The following AGBL1 variants were observed in gnomAD, a reference collection of about 807,000 sequenced individuals.
AGBL1 encodes cytosolic carboxypeptidase 4.
A neutral mutation model predicts 118.9 loss-of-function variants in AGBL1; 130 were observed. That is an observed-to-expected ratio of 1.09 (90% CI 0.95 to 1.26). AGBL1 has a LOEUF of 1.26. AGBL1 is among the 50% of genes most tolerant of loss of function. AGBL1 has a pLI of 0.00. For synonymous variants in AGBL1, 555 were observed against 478.9 expected, an observed-to-expected ratio of 1.16 and a Z score of -2.08; for missense variants, 1,584 against 1,298.1, an observed-to-expected ratio of 1.22 and a Z score of -3.38.
intron 22 of AGBL1, among the ~76,000 whole-genome samples, chr15:86,785,363 T>A (rs1010212075): frequency 2.2e-5 from 3 of 136,090 alleles, no homozygotes; most frequent in Non-Finnish European, 4.8e-5. Context: ...GCGGGTTCTT[T>A]TTTTTTTTTT....
At chr15:86,677,053 C>G (rs2085861860) in intron 22 of AGBL1, among the ~76,000 whole-genome samples, 1 of 152,160 alleles carries the variant, frequency 6.6e-6, no homozygotes, top group Admixed American at 6.5e-5. Flanking sequence ...GGATGTGGTA[C>G]TGCATCCTCT....
intron 21 of AGBL1, among the ~76,000 whole-genome samples, chr15:86,557,680 T>C (rs1051128209): frequency 1.6e-4 from 25 of 152,202 alleles, no homozygotes; most frequent in East Asian, 3.8e-4. Flanking sequence ...AGTGTCTTCA[T>C]TGTGTCTCGA....
intron 11 of AGBL1, among the ~76,000 whole-genome samples, chr15:86,265,518 C>A (rs2079057717): frequency 1.3e-5 from 2 of 152,112 alleles, no homozygotes; most frequent in Admixed American, 1.3e-4. Context: ...ATGCACATAC[C>A]AAGTCAATGG....
rs199905475 is a variant in AGBL1 at position 86,913,711 on chromosome 15, GA to G, written c.*6425del. 17 of 151,860 alleles carry G rather than the reference GA, an allele frequency of 1.1e-4. No individual in the cohort carries two copies. In the East Asian group the frequency reaches 1.2e-3, roughly 10 times the overall value. The allele number at this position is 151,860 out of a possible 1,614,324, so 9.4% of individuals were successfully genotyped here. A position where few individuals can be genotyped will look rare whatever the true frequency, so the allele number is the denominator to read the frequency against. ...AGACCCTGAATCTACAAAAAATAAA[GA>G]AAAAAAATAGCCAGGCGTGATGGTG... On this transcript the variant is annotated 3_prime_UTR_variant, in exon 23 of 23. Coordinates refer to ENST00000614907, the MANE Select transcript of AGBL1 (RefSeq NM_001386094.1).
chr15:86,256,228 T>A (rs955086113), intron 7 of AGBL1, among the ~76,000 whole-genome samples: 4 of 152,222 alleles, frequency 2.6e-5, no homozygotes, highest in Non-Finnish European at 4.4e-5. Flanking sequence ...TCCATCAGTA[T>A]CAAAATGTTA....
intron 23 of AGBL1, among the ~76,000 whole-genome samples, chr15:86,934,345 G>A (rs1279741618): frequency 6.6e-6 from 1 of 152,096 alleles, no homozygotes; most frequent in African/African-American, 2.4e-5. Context: ...AGGTCTAACA[G>A]CTCCCTATTG....
At chr15:86,600,745 A>C (rs2084479764) in intron 21 of AGBL1, among the ~76,000 whole-genome samples, 1 of 152,140 alleles carries the variant, frequency 6.6e-6, no homozygotes, top group South Asian at 2.1e-4. Flanking sequence ...CTCCAAAACA[A>C]TTCCCGAATC....
At chr15:86,638,749 A>G (rs1317773916) in intron 21 of AGBL1, among the ~76,000 whole-genome samples, 1 of 152,182 alleles carries the variant, frequency 6.6e-6, no homozygotes, top group African/African-American at 2.4e-5. Context: ...TTAGTCTGCA[A>G]TTGCTGAGTA....
intron 17 of AGBL1, among the ~76,000 whole-genome samples, chr15:86,377,967 C>G (rs8032371): frequency 0.032 from 4,800 of 152,168 alleles, 196 homozygotes; most frequent in African/African-American, 0.086. Flanking sequence ...AAACAAATAA[C>G]AATGGTAGGA....
chr15:86,526,544 G>GTGTGTATATATATA lies in AGBL1; in HGVS notation c.2685+3606_2685+3607insGTGTATATATATAT, dbSNP rs754816154. Among the ~76,000 whole-genome samples the GTGTGTATATATATA allele has an allele frequency of 7.1e-3, 847 of 119,362 alleles. 34 individuals are homozygous for GTGTGTATATATATA. In the East Asian group the frequency reaches 0.073, roughly 10 times the overall value. The allele number at this position is 119,362 out of a possible 152,430, so 78.3% of individuals were successfully genotyped here. A position where few individuals can be genotyped will look rare whatever the true frequency, so the allele number is the denominator to read the frequency against. The stretch of plus-strand genomic sequence containing the variant: ...TGCACACAGATATGTTTGTGTCTGT[G>GTGTGTATATATATA]TATATATATATATATATATATATAT... On this transcript the variant is annotated intron_variant, in intron 19 of 22. Transcript: ENST00000614907.
At chr15:86,367,977 G>A (rs1347804336) in intron 17 of AGBL1, among the ~76,000 whole-genome samples, 1 of 152,070 alleles carries the variant, frequency 6.6e-6, no homozygotes, top group East Asian at 1.9e-4. Flanking sequence ...ATGGGTTAGG[G>A]TTCTAGAGTC....
chr15:86,633,824 ATATATAATG>A (rs2085026295), intron 21 of AGBL1, among the ~76,000 whole-genome samples: 1 of 11,206 alleles, frequency 8.9e-5, no homozygotes, highest in African/African-American at 3.0e-4. Context: ...GTATGTATAT[ATATATAATG>A]TATATATATA....
At chr15:86,996,238 G>A (rs991131563) in intron 24 of AGBL1, among the ~76,000 whole-genome samples, 2 of 152,060 alleles carry the variant, frequency 1.3e-5, no homozygotes, top group Non-Finnish European at 2.9e-5. Context: ...TTTTTGAAGA[G>A]TATGCTTGTG....
At chr15:86,436,921 G>A (rs1343505085) in intron 18 of AGBL1, among the ~76,000 whole-genome samples, 2 of 151,866 alleles carry the variant, frequency 1.3e-5, no homozygotes, top group African/African-American at 4.8e-5. Context: ...TCAAGACTCT[G>A]TAACTCACCA....
At chr15:86,636,700 G>C (rs1287921466) in intron 21 of AGBL1, among the ~76,000 whole-genome samples, 1 of 48,572 alleles carries the variant, frequency 2.1e-5, no homozygotes, top group East Asian at 6.6e-4. Context: ...GGAACCACCA[G>C]TCATATATAT....
intron 17 of AGBL1, among the ~76,000 whole-genome samples, chr15:86,317,432 C>T (rs1029704850): frequency 1.3e-5 from 2 of 152,220 alleles, no homozygotes; most frequent in African/African-American, 4.8e-5. Context: ...CCTTTCCAAA[C>T]AGCACTGGAG....
At chr15:86,487,800 T>C (rs907076449) in intron 18 of AGBL1, among the ~76,000 whole-genome samples, 1 of 152,076 alleles carries the variant, frequency 6.6e-6, no homozygotes, top group Non-Finnish European at 1.5e-5. Context: ...GCCGAACATA[T>C]TTATTTGGAA....
intron 22 of AGBL1, among the ~76,000 whole-genome samples, chr15:86,757,741 G>T (rs566918313): frequency 2.6e-5 from 4 of 151,792 alleles, no homozygotes; most frequent in African/African-American, 9.7e-5. Flanking sequence ...CTTTCCTCCC[G>T]CTGGTCCTCT....
In AGBL1 at chr15:86,079,889, G is replaced by C. The variant is rs987402627; in HGVS notation, c.-84G>C. The C allele has an allele frequency of 9.6e-7, 1 of 1,037,088 alleles. No homozygotes were observed. Among genetic ancestry groups the C allele is most frequent in the Non-Finnish European group, 1.2e-6 (1 of 808,288 alleles). 64.2% of individuals were successfully genotyped at this position (1,037,088 alleles called of 1,614,324 possible). ...TCCGGGCAGTCGTCTCCTGCGAGGC[G>C]GGCAGCGAGGTCAGCTTGGCAGCCG... On this transcript the variant is annotated 5_prime_UTR_variant, in exon 1 of 23. Coordinates refer to ENST00000614907, the MANE Select transcript of AGBL1 (RefSeq NM_001386094.1).
Sources: gnomAD v4.1 joint callset for allele counts (sites outside exome capture counted in the v4.1 genomes callset) on GRCh38, gnomAD v4.1.1 for gene constraint, MANE v1.5 for transcripts, NCBI Gene and HGNC (gene_info 2026-07-23, HGNC 2026-07-21) for gene names.